The following CDC42SE2 variants were observed in gnomAD, a reference collection of about 807,000 sequenced individuals.
The protein encoded by CDC42SE2 is CDC42 small effector 2.
CDC42SE2 carries 3 observed loss-of-function variants against 11.5 expected under a neutral mutation model. That is an observed-to-expected ratio of 0.26 (90% CI 0.12 to 0.67). The LOEUF (loss-of-function observed/expected upper bound fraction) is 0.67, where lower values mean the gene tolerates loss of function less well. Ranked by LOEUF, CDC42SE2 falls within the 30% of genes least tolerant of loss-of-function variation. The probability of loss-of-function intolerance (pLI) is 0.80; values close to 1 mark genes in which losing one functional copy is unlikely to be tolerated. For synonymous variants in CDC42SE2, 33 were observed against 34.8 expected, an observed-to-expected ratio of 0.95 and a Z score of 0.18; for missense variants, 82 against 106.8, an observed-to-expected ratio of 0.77 and a Z score of 1.02.
upstream of CDC42SE2, among the ~76,000 whole-genome samples, chr5:131,261,921 T>G (rs536559084): frequency 1.3e-5 from 2 of 152,032 alleles, no homozygotes; most frequent in East Asian, 3.9e-4. Flanking sequence ...GACTTTTTTT[T>G]TTTTTTTAAC....
chr5:131,371,054 T>A (rs1750001551), intron 3 of CDC42SE2, among the ~76,000 whole-genome samples: 1 of 152,220 alleles, frequency 6.6e-6, no homozygotes, highest in South Asian at 2.1e-4. Context: ...TGCTGATATG[T>A]ATCTGTGACT....
chr5:131,372,177 G>C (rs748828354), intron 3 of CDC42SE2, among the ~76,000 whole-genome samples: 11 of 152,150 alleles, frequency 7.2e-5, no homozygotes, highest in Non-Finnish European at 1.5e-4. Context: ...AGTGTTAGCT[G>C]TCTGTGGATC....
chr5:131,290,804 A>G (rs1757442235), intron 1 of CDC42SE2, among the ~76,000 whole-genome samples: 1 of 151,936 alleles, frequency 6.6e-6, no homozygotes, highest in South Asian at 2.1e-4. Context: ...TGATGAAACC[A>G]GCGTAGTTTT....
rs113313781 is a variant in CDC42SE2 at position 131,370,603 on chromosome 5, A to G, written c.54+11056A>G. 7.3e-3 allele frequency among the ~76,000 whole-genome samples: 1,113 copies of G among 152,130 alleles called. 10 individuals are homozygous for G. Among genetic ancestry groups the G allele is most frequent in the African/African-American group, 0.026 (1,066 of 41,496 alleles). ...CTCCCAAAGTGCTGGGATTACAGGC[A>G]TGAGCGACTTAGCCTGGTCAAACAT... On this transcript the variant is annotated intron_variant, in intron 3 of 4. Coordinates refer to ENST00000505065, the MANE Select transcript of CDC42SE2 (RefSeq NM_001375635.1).
intron 1 of CDC42SE2, among the ~76,000 whole-genome samples, chr5:131,310,219 A>G (rs1390426372): frequency 1.3e-5 from 2 of 152,014 alleles, no homozygotes; most frequent in African/African-American, 4.8e-5. Flanking sequence ...GTAGTCATTC[A>G]GGAGCAGGTT....
At position 131,391,181 on chromosome 5, in the gene CDC42SE2, A is replaced by G. The variant is rs1170934145; in HGVS notation, c.*90A>G. The G allele has an allele frequency of 1.4e-5, 7 of 502,094 alleles. No homozygotes were observed. Among genetic ancestry groups the G allele is most frequent in the Admixed American group, 1.4e-4 (3 of 22,010 alleles). The allele number at this position is 502,094 out of a possible 1,614,324, so 31.1% of individuals were successfully genotyped here. A position where few individuals can be genotyped will look rare whatever the true frequency, so the allele number is the denominator to read the frequency against. Reference sequence around the variant, plus strand: ...GGCCAATAATAGTAAATATATGTATATATATATAATTTTTTAATGGTGAAC... The same window carrying G: ...GGCCAATAATAGTAAATATATGTATGTATATATAATTTTTTAATGGTGAAC... On this transcript the variant is annotated 3_prime_UTR_variant, in exon 5 of 5. Coordinates refer to ENST00000505065, the MANE Select transcript of CDC42SE2 (RefSeq NM_001375635.1).
At chr5:131,230,752 A>G in the CDC42SE2 span, among the ~76,000 whole-genome samples, 1 of 152,218 alleles carries the variant, frequency 6.6e-6, no homozygotes, top group East Asian at 1.9e-4. Context: ...ATTCTCCTTC[A>G]CATTAGGGAG....
Position 131,335,913 on chromosome 5 carries a change from T to C in CDC42SE2, c.-286+19769T>C, listed in dbSNP as rs58146308. ...ATACAGCACACTGACGGGTCTTGAC[T>C]CTTTATCCAATTTGCCAGTCTGTGC... On this transcript the variant is annotated intron_variant, in intron 2 of 4. Transcript: ENST00000505065. Among the ~76,000 whole-genome samples the C allele has an allele frequency of 5.7e-3, 865 of 152,356 alleles. 13 individuals carry two copies. The highest frequency in any genetic ancestry group is 0.019 in the African/African-American group (774 of 41,576).
intron 3 of CDC42SE2, among the ~76,000 whole-genome samples, chr5:131,363,126 G>A (rs1185863748): frequency 6.6e-6 from 1 of 151,646 alleles, no homozygotes; most frequent in Non-Finnish European, 1.5e-5. Flanking sequence ...CCTGGCGACA[G>A]GGCAAGACTC....
intron 1 of CDC42SE2, among the ~76,000 whole-genome samples, chr5:131,270,609 C>G (rs1421153206): frequency 6.6e-6 from 1 of 152,152 alleles, no homozygotes; most frequent in East Asian, 1.9e-4. Flanking sequence ...ACTGTGCCTT[C>G]AAAACTCTCC....
the CDC42SE2 span, among the ~76,000 whole-genome samples, chr5:131,231,982 G>GTAT: frequency 9.2e-5 from 14 of 152,102 alleles, no homozygotes; most frequent in African/African-American, 2.7e-4. Context: ...TAGAGACAGG[G>GTAT]TTTCACCACG....
chr5:131,232,412 G>A, the CDC42SE2 span, among the ~76,000 whole-genome samples: 8 of 151,996 alleles, frequency 5.3e-5, no homozygotes, highest in African/African-American at 1.9e-4. Flanking sequence ...ACCACACCCT[G>A]CCTATACCTA....
chr5:131,287,622 C>G (rs563311172), intron 1 of CDC42SE2, among the ~76,000 whole-genome samples: 54 of 152,008 alleles, frequency 3.6e-4, no homozygotes, highest in African/African-American at 9.4e-4. Context: ...GCCACCATGC[C>G]CAGCTTTTTT....
intron 1 of CDC42SE2, among the ~76,000 whole-genome samples, chr5:131,288,448 G>A (rs988241684): frequency 1.3e-5 from 2 of 152,110 alleles, no homozygotes; most frequent in Non-Finnish European, 2.9e-5. Flanking sequence ...AGTATGGTGA[G>A]TGTCTCATTA....
At chr5:131,237,157 CATT>C in the CDC42SE2 span, among the ~76,000 whole-genome samples, 2 of 152,144 alleles carry the variant, frequency 1.3e-5, no homozygotes, top group East Asian at 1.9e-4. Context: ...CTTTGATCAT[CATT>C]GTTTTTTGCA....
chr5:131,321,351 A>T (rs1188241825), intron 2 of CDC42SE2, among the ~76,000 whole-genome samples: 2 of 152,158 alleles, frequency 1.3e-5, no homozygotes, highest in African/African-American at 4.8e-5. Context: ...AACTTAAAAG[A>T]GGCAGTTTTT....
the CDC42SE2 span, among the ~76,000 whole-genome samples, chr5:131,231,448 CA>C: frequency 6.6e-6 from 1 of 151,708 alleles, no homozygotes; most frequent in Non-Finnish European, 1.5e-5. Context: ...GCAAAAGCAA[CA>C]AAAAAAACAT....
chr5:131,303,540 A>T (rs1757724987), intron 1 of CDC42SE2, among the ~76,000 whole-genome samples: 1 of 152,174 alleles, frequency 6.6e-6, no homozygotes, highest in Non-Finnish European at 1.5e-5. Context: ...TTAAAAATCG[A>T]TTTTATTTTT....
chr5:131,313,741 T>A (rs958201010), intron 1 of CDC42SE2, among the ~76,000 whole-genome samples: 1 of 152,258 alleles, frequency 6.6e-6, no homozygotes, highest in Non-Finnish European at 1.5e-5. Flanking sequence ...ATTCTGGTTG[T>A]ATAAGGCTTC....
Sources: gnomAD v4.1 joint callset for allele counts (sites outside exome capture counted in the v4.1 genomes callset) on GRCh38, gnomAD v4.1.1 for gene constraint, MANE v1.5 for transcripts, NCBI Gene and HGNC (gene_info 2026-07-23, HGNC 2026-07-21) for gene names.